ZBTB7C: variants seen among roughly 807,000 people sequenced by gnomAD.
ZBTB7C encodes the protein zinc finger and BTB domain-containing protein 7C.
A neutral mutation model predicts 25.7 loss-of-function variants in ZBTB7C; 8 were observed. The ratio of observed to expected loss-of-function variants is 0.31; its 90% confidence interval spans 0.18 to 0.56. The LOEUF is 0.56. Ranked by LOEUF, ZBTB7C falls within the 20% of genes least tolerant of loss-of-function variation. ZBTB7C has a pLI of 0.91. For missense variants in ZBTB7C, 824 were observed against 855.2 expected (o/e 0.96, Z 0.46); for synonymous variants, 394 against 369.0 (o/e 1.07, Z -0.78).
intron 2 of ZBTB7C, among the ~76,000 whole-genome samples, chr18:48,257,555 A>G (rs2044055238): frequency 6.6e-6 from 1 of 152,170 alleles, no homozygotes; most frequent in Admixed American, 6.5e-5. Context: ...AACCCATTCC[A>G]TGAGGGAGCA....
At chr18:48,089,045 G>A (rs751496450) in intron 3 of ZBTB7C, among the ~76,000 whole-genome samples, 4 of 152,152 alleles carry the variant, frequency 2.6e-5, no homozygotes. Context: ...CCCTGAGCCC[G>A]GTTTACTGAT....
At chr18:48,297,962 C>T (rs1598812126) in intron 2 of ZBTB7C, among the ~76,000 whole-genome samples, 1 of 152,144 alleles carries the variant, frequency 6.6e-6, no homozygotes, top group Non-Finnish European at 1.5e-5. Context: ...TGTGCAGTCA[C>T]TGAGTGTCCT....
intron 3 of ZBTB7C, among the ~76,000 whole-genome samples, chr18:48,118,253 G>A (rs1253647844): frequency 2.0e-5 from 3 of 152,116 alleles, no homozygotes; most frequent in East Asian, 1.9e-4. Context: ...TGATCCGCCT[G>A]CCTCAGCCTC....
chr18:48,289,104 C>A lies in ZBTB7C; in HGVS notation c.-79+49070G>T, dbSNP rs1401246326. Among the ~76,000 whole-genome samples, 6 of 152,248 alleles carry A rather than the reference C, an allele frequency of 3.9e-5. No homozygotes were observed. In the South Asian group the frequency reaches 1.0e-3, roughly 26 times the overall value. ...ACCACTTCCCATCGCCAGACAGGAT[C>A]GGGCATTGATTGGCTAAATGGGACT... On this transcript the variant is annotated intron_variant, in intron 2 of 4. Transcript: ENST00000590800.
Position 48,089,416 on chromosome 18 carries a change from G to C in ZBTB7C, c.-16-48293C>G, listed in dbSNP as rs918222461. ...GAACCCGGGAGGCGGAGGGTGCAGA[G>C]AGCCGAGATCACGCCACTGCACTAC... is the stretch of plus-strand genomic sequence containing the variant. On this transcript the variant is annotated intron_variant, in intron 3 of 4. Transcript: ENST00000590800. Among the ~76,000 whole-genome samples, 4 of 150,616 alleles carry C rather than the reference G, an allele frequency of 2.7e-5. No individual in the cohort carries two copies. In the South Asian group the frequency reaches 6.3e-4, roughly 24 times the overall value.
chr18:48,297,412 C>A (rs999445475), intron 2 of ZBTB7C, among the ~76,000 whole-genome samples: 1 of 152,186 alleles, frequency 6.6e-6, no homozygotes. Context: ...TCCCACTCCC[C>A]ACTGCCCTTC....
At chr18:48,096,630 G>A (rs2144585434) in intron 3 of ZBTB7C, among the ~76,000 whole-genome samples, 1 of 152,258 alleles carries the variant, frequency 6.6e-6, no homozygotes, top group African/African-American at 2.4e-5. Context: ...GTGGAGGGGT[G>A]GGAGTCACAG....
intron 2 of ZBTB7C, among the ~76,000 whole-genome samples, chr18:48,256,445 A>G (rs757886839): frequency 6.6e-6 from 1 of 150,642 alleles, no homozygotes; most frequent in Non-Finnish European, 1.5e-5. Context: ...AAGCAAAGGT[A>G]AAATAAAGAC....
intron 3 of ZBTB7C, among the ~76,000 whole-genome samples, chr18:48,062,442 C>T (rs1291660180): frequency 6.6e-6 from 1 of 152,226 alleles, no homozygotes; most frequent in Non-Finnish European, 1.5e-5. Flanking sequence ...AACCCCTGAA[C>T]ACTAAGCGTG....
In ZBTB7C at chr18:48,132,307, GAC is replaced by G. The variant is rs141478947; in HGVS notation, c.-17+53625_-17+53626del. The stretch of plus-strand genomic sequence containing the variant: ...CTCAAAAGTGTTAGGTTAGTTGAAA[GAC>G]ACTAGTCACAAAAGACCACATATTA... On this transcript the variant is annotated intron_variant, in intron 3 of 4. Coordinates refer to ENST00000590800, the MANE Select transcript of ZBTB7C (RefSeq NM_001318841.2). 1.7e-3 allele frequency among the ~76,000 whole-genome samples: 261 copies of G among 152,328 alleles called. 3 individuals carry two copies. Among genetic ancestry groups the G allele is most frequent in the African/African-American group, 6.1e-3 (254 of 41,576 alleles).
chr18:48,282,509 T>C (rs1043287015), intron 2 of ZBTB7C, among the ~76,000 whole-genome samples: 1 of 152,168 alleles, frequency 6.6e-6, no homozygotes, highest in Non-Finnish European at 1.5e-5. Flanking sequence ...CAGTTCCAGG[T>C]ATATATAGCT....
At chr18:48,209,727 C>G (rs1182063767) in intron 2 of ZBTB7C, among the ~76,000 whole-genome samples, 9 of 151,566 alleles carry the variant, frequency 5.9e-5, no homozygotes, top group Non-Finnish European at 1.2e-4. Context: ...TAAACTCCCA[C>G]CTGGGCAACA....
intron 2 of ZBTB7C, among the ~76,000 whole-genome samples, chr18:48,234,311 TAC>T (rs2043324451): frequency 6.6e-6 from 1 of 152,172 alleles, no homozygotes; most frequent in Non-Finnish European, 1.5e-5. Context: ...GCCACCTAAA[TAC>T]ATTTTTAATT....
At chr18:48,287,899 G>T (rs2045104919) in intron 2 of ZBTB7C, among the ~76,000 whole-genome samples, 1 of 152,148 alleles carries the variant, frequency 6.6e-6, no homozygotes, top group Non-Finnish European at 1.5e-5. Context: ...ACTAAGAACT[G>T]AATGGAACTT....
chr18:48,072,894 G>C lies in ZBTB7C; in HGVS notation c.-16-31771C>G, dbSNP rs540135530. Among the ~76,000 whole-genome samples the C allele has an allele frequency of 2.0e-5, 3 of 152,318 alleles. No homozygotes were observed. The East Asian group carries it at 5.8e-4, about 30-fold the overall frequency. Reference sequence around the variant, plus strand: ...CAGCCCCTTGCTGGCCTTCCCGACAGAGCCACTTCCCTTTTGGGAGTGCAG... The same window carrying C: ...CAGCCCCTTGCTGGCCTTCCCGACACAGCCACTTCCCTTTTGGGAGTGCAG... On this transcript the variant is annotated intron_variant, in intron 3 of 4. Transcript: ENST00000590800.
At chr18:48,211,911 C>A (rs143080656) in intron 2 of ZBTB7C, among the ~76,000 whole-genome samples, 1 of 152,176 alleles carries the variant, frequency 6.6e-6, no homozygotes, top group African/African-American at 2.4e-5. Flanking sequence ...CAGCTTTATT[C>A]ATAATCATCA....
chr18:48,134,994 C>T (rs575355012), intron 3 of ZBTB7C, among the ~76,000 whole-genome samples: 5 of 152,160 alleles, frequency 3.3e-5, no homozygotes, highest in Admixed American at 6.5e-5. Context: ...CTAACTTCCC[C>T]GCTCTTTCCT....
intron 3 of ZBTB7C, among the ~76,000 whole-genome samples, chr18:48,097,067 A>G (rs2038661495): frequency 6.6e-6 from 1 of 152,234 alleles, no homozygotes; most frequent in Non-Finnish European, 1.5e-5. Context: ...GCCCTTGATG[A>G]TCTTCTTTTC....
At chr18:48,391,329 C>T (rs2145261257) in intron 1 of ZBTB7C, among the ~76,000 whole-genome samples, 1 of 152,304 alleles carries the variant, frequency 6.6e-6, no homozygotes, top group African/African-American at 2.4e-5. Flanking sequence ...CAATGTTACT[C>T]TGATCTTACT....
Sources: allele counts gnomAD v4.1 joint callset (sites outside exome capture counted in the v4.1 genomes callset), GRCh38; gene constraint gnomAD v4.1.1; transcripts MANE v1.5; gene names NCBI Gene and HGNC (gene_info 2026-07-23, HGNC 2026-07-21).